The following IFT140 variants were observed in gnomAD, a reference collection of about 807,000 sequenced individuals.
IFT140 encodes intraflagellar transport protein 140 homolog.
IFT140 carries 133 observed loss-of-function variants against 164.6 expected under a neutral mutation model. The ratio of observed to expected loss-of-function variants is 0.81; its 90% CI spans 0.70 to 0.93. The LOEUF is 0.93. Among genes scored for constraint, IFT140 ranks in the 40% least tolerant of loss-of-function variants. The pLI is 0.00. For synonymous variants in IFT140, 860 were observed against 817.3 expected, an observed-to-expected ratio of 1.05 and a Z score of -0.89; for missense variants, 2,045 against 1,972.3, an observed-to-expected ratio of 1.04 and a Z score of -0.70.
intron 19 of IFT140, among the ~76,000 whole-genome samples, chr16:1,545,917 C>G (rs553135979): frequency 6.6e-6 from 1 of 152,364 alleles, no homozygotes; most frequent in Admixed American, 6.5e-5. Flanking sequence ...CCTGCTCTGA[C>G]ACCCAGAGAG....
In IFT140 at chr16:1,602,399, T is replaced by C. The variant is rs2035839634; in HGVS notation, c.340A>G (p.Ser114Gly). 2 of 1,614,224 alleles carry C rather than the reference T, an allele frequency of 1.2e-6. No homozygotes were observed. The highest frequency in any genetic ancestry group is 4.5e-5 in the East Asian group (2 of 44,886). ...ADITVLRWSP[S>G]GNCLLSGDRL... The stretch of plus-strand genomic sequence containing the variant: ...TCCCCAGACAGCAGGCAGTTTCCAC[T>C]GGGGCTCCAACGGAGCACGGTGATG... The change falls in exon 4 of 31, where the codon AGT becomes GGT. Residue 114 changes from serine to glycine, a missense_variant. Ser to Gly is a moderately conservative substitution (Grantham distance 56, BLOSUM62 0). Coordinates refer to ENST00000426508, the MANE Select transcript of IFT140 (RefSeq NM_014714.4).
In IFT140 at chr16:1,584,438, A is replaced by G. The variant is rs1433160902; in HGVS notation, c.1156-18T>C. On this transcript the variant is annotated intron_variant, in intron 10 of 30. Transcript: ENST00000426508. ...GAACCCCACTTCATTTCCAGGTTGC[A>G]AGAGAAAGAACCAGATGTGTGAACA... is the stretch of plus-strand genomic sequence containing the variant. 6.3e-7 allele frequency: 1 copy of G among 1,581,470 alleles called. No homozygotes were observed. Among genetic ancestry groups the G allele is most frequent in the African/African-American group, 1.3e-5 (1 of 74,322 alleles).
At chr16:1,580,014 C>A (rs898826612) in intron 13 of IFT140, among the ~76,000 whole-genome samples, 1 of 151,218 alleles carries the variant, frequency 6.6e-6, no homozygotes, top group Non-Finnish European at 1.5e-5. Flanking sequence ...GGCCCTCCCA[C>A]AAGACACATG....
At chr16:1,566,314 A>G (rs2033714275) in intron 15 of IFT140, 23 bp from the exon 16 acceptor site, 4 of 1,611,732 alleles carry the variant, frequency 2.5e-6, no homozygotes, top group Non-Finnish European at 3.4e-6. Context: ...AAAACCAGAA[A>G]GCTCACGGAG....
At chr16:1,565,510 G>C (rs1319510079) in intron 16 of IFT140, among the ~76,000 whole-genome samples, 1 of 150,564 alleles carries the variant, frequency 6.6e-6, no homozygotes, top group Non-Finnish European at 1.5e-5. Context: ...ATGGAGGAGG[G>C]AAAAAAAAAG....
At chr16:1,598,808 G>A (rs1212648763) in intron 4 of IFT140, among the ~76,000 whole-genome samples, 1 of 152,210 alleles carries the variant, frequency 6.6e-6, no homozygotes, top group African/African-American at 2.4e-5. Flanking sequence ...CCAAAGTGCC[G>A]AGATTGCAGC....
intron 13 of IFT140, among the ~76,000 whole-genome samples, chr16:1,573,556 A>G (rs946252432): frequency 6.6e-6 from 1 of 152,022 alleles, no homozygotes; most frequent in Non-Finnish European, 1.5e-5. Flanking sequence ...CCTGCCCCCT[A>G]TGCCAGCTCT....
At chr16:1,520,467 T>C in intron 27 of IFT140, 124 bp from the exon 28 acceptor site, 1 of 1,328,706 alleles carries the variant, frequency 7.5e-7, no homozygotes. Flanking sequence ...GAGATCTTAG[T>C]GGTTGTGCTC....
chr16:1,514,651 A>T (rs2040290829), intron 30 of IFT140: 1 of 152,188 alleles, frequency 6.6e-6, no homozygotes, highest in Admixed American at 6.5e-5. Flanking sequence ...ATGAACCAAA[A>T]AAAAGCAATA....
At chr16:1,592,656 TCCTGG>T in intron 4 of IFT140, 68 bp from the exon 5 acceptor site, 1 of 1,529,844 alleles carries the variant, frequency 6.5e-7, no homozygotes, top group South Asian at 1.2e-5. Context: ...GGGACAGGTG[TCCTGG>T]CAGAGCGACT....
chr16:1,513,675 T>TC (rs1234647111), intron 30 of IFT140, among the ~76,000 whole-genome samples: 16 of 151,388 alleles, frequency 1.1e-4, no homozygotes, highest in Admixed American at 3.9e-4. Flanking sequence ...AACTTTCTTT[T>TC]TTTTTTTTTC....
intron 30 of IFT140, among the ~76,000 whole-genome samples, chr16:1,512,437 G>C (rs2040201530): frequency 1.3e-5 from 2 of 152,082 alleles, no homozygotes; most frequent in Admixed American, 1.3e-4. Flanking sequence ...CGTGTGCCTG[G>C]GCATTCTCAG....
intron 19 of IFT140, among the ~76,000 whole-genome samples, chr16:1,550,931 C>T (rs1468664213): frequency 6.6e-6 from 1 of 152,300 alleles, no homozygotes; most frequent in East Asian, 1.9e-4. Flanking sequence ...GCCACGTAGC[C>T]GATGCCAGTG....
intron 18 of IFT140, among the ~76,000 whole-genome samples, chr16:1,560,467 C>G (rs567364238): frequency 6.6e-6 from 1 of 152,366 alleles, no homozygotes; most frequent in South Asian, 2.1e-4. Flanking sequence ...CTGGTCACGT[C>G]ATTGTCACAA....
chr16:1,522,281 C>T (rs9328919), intron 26 of IFT140, among the ~76,000 whole-genome samples: 35,051 of 151,932 alleles, frequency 0.23, 4,382 homozygotes, highest in African/African-American at 0.33. Context: ...TGCTTGAACC[C>T]GGGAGGCTGA....
chr16:1,520,923 G>C, intron 26 of IFT140, 115 bp from the exon 27 acceptor site: 2 of 917,070 alleles, frequency 2.2e-6, no homozygotes, highest in Admixed American at 2.4e-5. Flanking sequence ...GGCGGCTTCT[G>C]TCTAGCTGGG....
intron 19 of IFT140, among the ~76,000 whole-genome samples, chr16:1,537,044 T>C (rs1037028508): frequency 2.6e-5 from 4 of 152,196 alleles, no homozygotes; most frequent in Admixed American, 1.3e-4. Context: ...GCTCCTAGCG[T>C]CTTCCTTCCT....
At chr16:1,549,425 C>T (rs2032452790) in intron 19 of IFT140, among the ~76,000 whole-genome samples, 1 of 152,176 alleles carries the variant, frequency 6.6e-6, no homozygotes, top group Non-Finnish European at 1.5e-5. Context: ...AGGTGCTTTT[C>T]TTTCTTTCTT....
At chr16:1,561,884 GAGGGCTAAC>G (rs1954861869) in intron 18 of IFT140, 92 bp downstream of exon 18, 6 of 1,231,614 alleles carry the variant, frequency 4.9e-6, no homozygotes, top group Non-Finnish European at 6.5e-6. Context: ...GCAGAGCCAC[GAGGGCTAAC>G]TCACATTTCA....
Sources: allele counts gnomAD v4.1 joint callset (sites outside exome capture counted in the v4.1 genomes callset), GRCh38; gene constraint gnomAD v4.1.1; transcripts MANE v1.5; gene names NCBI Gene and HGNC (gene_info 2026-07-23, HGNC 2026-07-21).